Variants in PIK3R3 observed in about 807,000 individuals in gnomAD.
PIK3R3 encodes the protein phosphoinositide-3-kinase regulatory subunit 3, also known as phosphatidylinositol 3-kinase regulatory subunit gamma.
PIK3R3 carries 64 observed loss-of-function variants against 62.9 expected under a neutral mutation model. The observed-to-expected ratio is 1.02, with a 90% CI of 0.83 to 1.25. The LOEUF (loss-of-function observed/expected upper bound fraction) is 1.25. Ranked by LOEUF, PIK3R3 falls within the 50% of genes most tolerant of loss-of-function variation. The pLI, the probability that PIK3R3 is intolerant of heterozygous loss-of-function variation, is 0.00. For synonymous variants in PIK3R3, 165 were observed against 189.0 expected (o/e 0.87, Z 1.04); for missense variants, 614 against 561.6 (o/e 1.09, Z -0.94).
intron 1 of PIK3R3, among the ~76,000 whole-genome samples, chr1:46,106,882 TCTC>T (rs1653259706): frequency 6.6e-6 from 1 of 152,002 alleles, no homozygotes; most frequent in South Asian, 2.1e-4. Flanking sequence ...TTCAAGCAAT[TCTC>T]CTGCCTCAGC....
chr1:46,142,938 C>T, the PIK3R3 span, among the ~76,000 whole-genome samples: 1 of 152,100 alleles, frequency 6.6e-6, no homozygotes, highest in African/African-American at 2.4e-5. Context: ...ATTGAAGGGG[C>T]AAACTTTGAA....
intron 7 of PIK3R3, among the ~76,000 whole-genome samples, chr1:46,052,990 G>A (rs1404831771): frequency 2.0e-5 from 3 of 152,170 alleles, no homozygotes; most frequent in Non-Finnish European, 2.9e-5. Flanking sequence ...TATGAGACAC[G>A]TATTTTACTA....
chr1:46,114,251 AAGG>A (rs1198187731), intron 1 of PIK3R3, among the ~76,000 whole-genome samples: 8 of 152,328 alleles, frequency 5.3e-5, no homozygotes, highest in African/African-American at 1.4e-4. Flanking sequence ...ATTCCAAATG[AAGG>A]AGGAGTGGTT....
At chr1:46,110,419 G>A (rs1365410354) in intron 1 of PIK3R3, among the ~76,000 whole-genome samples, 2 of 151,754 alleles carry the variant, frequency 1.3e-5, no homozygotes, top group Admixed American at 1.3e-4. Context: ...ACCAGGCTCA[G>A]CCTGAGCCAC....
chr1:46,116,218 T>C (rs986596186), intron 1 of PIK3R3, among the ~76,000 whole-genome samples: 16 of 152,098 alleles, frequency 1.1e-4, no homozygotes, highest in African/African-American at 3.9e-4. Context: ...TTATCAATAA[T>C]AATGAAAATA....
chr1:46,172,624 A>AGG, the PIK3R3 span, among the ~76,000 whole-genome samples: 1 of 152,162 alleles, frequency 6.6e-6, no homozygotes, highest in South Asian at 2.1e-4. Flanking sequence ...CAGGAGACTG[A>AGG]GGCTGCAGTG....
At chr1:46,048,660 T>C (rs1174195035) in intron 7 of PIK3R3, among the ~76,000 whole-genome samples, 3 of 152,094 alleles carry the variant, frequency 2.0e-5, no homozygotes, top group Non-Finnish European at 4.4e-5. Context: ...CCAACCTCTT[T>C]AAACTGAGCC....
At chr1:46,168,197 T>C in the PIK3R3 span, among the ~76,000 whole-genome samples, 1 of 152,108 alleles carries the variant, frequency 6.6e-6, no homozygotes, top group South Asian at 2.1e-4. Context: ...AAAAAATACC[T>C]ATGCTATCTT....
At chr1:46,094,079 A>T (rs1651892851) in intron 1 of PIK3R3, among the ~76,000 whole-genome samples, 1 of 152,042 alleles carries the variant, frequency 6.6e-6, no homozygotes, top group Non-Finnish European at 1.5e-5. Flanking sequence ...AAAAAAAAAA[A>T]AAGTGTCGAA....
At chr1:46,166,569 G>C in the PIK3R3 span, among the ~76,000 whole-genome samples, 1 of 152,090 alleles carries the variant, frequency 6.6e-6, no homozygotes, top group Admixed American at 6.6e-5. Flanking sequence ...TTCTGAAGCT[G>C]GAGCCTCTGG....
chr1:46,061,922 G>A lies in PIK3R3; in HGVS notation c.764+7C>T, dbSNP rs1648526891. ...CTGATGCCCTTGGAGGTACTAAGTA[G>A]ACTTACCGTTCAATCTCCTTTTCAT... On this transcript the variant is annotated splice_region_variant and intron_variant, in intron 6 of 9. Transcript: ENST00000262741. The A allele has an allele frequency of 1.2e-6, 2 of 1,611,234 alleles. No homozygotes were observed. Among genetic ancestry groups the A allele is most frequent in the Non-Finnish European group, 1.7e-6 (2 of 1,177,570 alleles).
the PIK3R3 span, among the ~76,000 whole-genome samples, chr1:46,165,064 C>T: frequency 6.6e-6 from 1 of 152,080 alleles, no homozygotes; most frequent in Non-Finnish European, 1.5e-5. Flanking sequence ...AAGCAATCTT[C>T]CCGTCTCAGT....
chr1:46,069,151 G>A (rs1649271372), intron 3 of PIK3R3, among the ~76,000 whole-genome samples: 2 of 152,142 alleles, frequency 1.3e-5, no homozygotes, highest in Admixed American at 1.3e-4. Context: ...AGATAAAGAT[G>A]ATTTCAAGGT....
At chr1:46,168,130 G>A in the PIK3R3 span, among the ~76,000 whole-genome samples, 7 of 152,082 alleles carry the variant, frequency 4.6e-5, no homozygotes, top group South Asian at 2.1e-4. Flanking sequence ...CAACCAGGGC[G>A]ACAGAGCGAG....
chr1:46,142,417 G>A, the PIK3R3 span, among the ~76,000 whole-genome samples: 1 of 152,246 alleles, frequency 6.6e-6, no homozygotes, highest in Non-Finnish European at 1.5e-5. Context: ...TAATTACAGA[G>A]GCCGGGCGCG....
chr1:46,050,145 G>GA (rs1420979026), intron 7 of PIK3R3, among the ~76,000 whole-genome samples: 2 of 146,174 alleles, frequency 1.4e-5, no homozygotes, highest in Non-Finnish European at 3.0e-5. Context: ...AAAAAATGAG[G>GA]AATGAAACTT....
chr1:46,089,489 G>A (rs1194412780), intron 1 of PIK3R3, among the ~76,000 whole-genome samples: 2 of 152,144 alleles, frequency 1.3e-5, no homozygotes, highest in African/African-American at 4.8e-5. Context: ...GCCAAGGTGG[G>A]CGGATCACGA....
chr1:46,123,410 T>C (rs958430178), intron 1 of PIK3R3, among the ~76,000 whole-genome samples: 1 of 152,136 alleles, frequency 6.6e-6, no homozygotes, highest in Non-Finnish European at 1.5e-5. Context: ...GAAGTATGAA[T>C]AGAAAATTAG....
chr1:46,116,745 T>C (rs540705926), intron 1 of PIK3R3, among the ~76,000 whole-genome samples: 2 of 152,156 alleles, frequency 1.3e-5, no homozygotes, highest in Admixed American at 6.5e-5. Context: ...CTAAGTGTCT[T>C]ATGTGTACTA....
Sources: gnomAD v4.1 joint callset for allele counts (sites outside exome capture counted in the v4.1 genomes callset) on GRCh38, gnomAD v4.1.1 for gene constraint, MANE v1.5 for transcripts, NCBI Gene and HGNC (gene_info 2026-07-23, HGNC 2026-07-21) for gene names.